The following POMZP3 variants were observed in gnomAD, a reference collection of about 807,000 sequenced individuals.
The protein encoded by POMZP3 is POM121 and ZP3 fusion protein.
Under a neutral mutation model 19.8 loss-of-function variants are expected in POMZP3, and 10 were observed. That is an observed-to-expected ratio of 0.51 (90% CI 0.31 to 0.86). The LOEUF (loss-of-function observed/expected upper bound fraction) is 0.86, where lower values mean the gene tolerates loss of function less well. Ranked by LOEUF, POMZP3 falls within the 40% of genes least tolerant of loss-of-function variation. POMZP3 has a pLI of 0.04. For missense variants in POMZP3, 152 were observed against 228.1 expected (o/e 0.67, Z 2.15); for synonymous variants, 57 against 85.8 (o/e 0.66, Z 1.85).
chr7:76,616,159 C>A (rs566513309), intron 4 of POMZP3, among the ~76,000 whole-genome samples: 1 of 138,184 alleles, frequency 7.2e-6, no homozygotes, highest in Non-Finnish European at 1.6e-5. Context: ...TGGCAGGCGC[C>A]TGCAATCCCA....
rs1487958364 is a variant in POMZP3 at position 76,614,274 on chromosome 7, G to A, written c.346-2461C>T. 3.4e-5 allele frequency among the ~76,000 whole-genome samples: 3 copies of A among 87,638 alleles called. 1 individual carries two copies. Among genetic ancestry groups the A allele is most frequent in the South Asian group, 8.2e-4 (2 of 2,450 alleles). The allele number at this position is 87,638 out of a possible 152,430, so 57.5% of individuals were successfully genotyped here. ...TTTAGAAGCAGGGTCTAGGCTGGGC[G>A]TGGTGGCTCATGCCTGTAATCCCAG... On this transcript the variant is annotated intron_variant, in intron 4 of 6. Coordinates refer to ENST00000310842, the MANE Select transcript of POMZP3 (RefSeq NM_012230.5).
At chr7:76,625,744 T>C (rs41278779) in intron 2 of POMZP3, 61 bp from the exon 3 acceptor site, 308,826 of 1,553,252 alleles carry the variant, frequency 0.2, 33,639 homozygotes, top group South Asian at 0.26. Context: ...ATATCAGAAA[T>C]GGAAATCAGA....
At chr7:76,624,915 G>A (rs1408854232) in intron 3 of POMZP3, among the ~76,000 whole-genome samples, 44 of 150,866 alleles carry the variant, frequency 2.9e-4, no homozygotes, top group African/African-American at 1.0e-3. Flanking sequence ...GGCAGATCAC[G>A]AGGTCAGGAG....
Position 76,613,952 on chromosome 7 carries a change from G to T in POMZP3, c.346-2139C>A, listed in dbSNP as rs1373339216. Among the ~76,000 whole-genome samples, 2 of 87,704 alleles carry T rather than the reference G, an allele frequency of 2.3e-5. 1 individual carries two copies. The highest frequency in any genetic ancestry group is 4.6e-5 in the Non-Finnish European group (2 of 43,956). The allele number at this position is 87,704 out of a possible 152,430, so 57.5% of individuals were successfully genotyped here. A position where few individuals can be genotyped will look rare whatever the true frequency, so the allele number is the denominator to read the frequency against. ...CCTGCTCAACCTCGGGCAGAGCATGGCAATTCTGCCACCTTGCAGCAGAAG... is the reference window on the plus strand; with the variant it reads ...CCTGCTCAACCTCGGGCAGAGCATGTCAATTCTGCCACCTTGCAGCAGAAG... On this transcript the variant is annotated intron_variant, in intron 4 of 6. Transcript: ENST00000310842.
At chr7:76,622,730 C>CAGTG (rs1208567724) in intron 3 of POMZP3, among the ~76,000 whole-genome samples, 3 of 151,752 alleles carry the variant, frequency 2.0e-5, no homozygotes, top group African/African-American at 7.3e-5. Context: ...GGCTAGAGTG[C>CAGTG]AGTGATATGA....
chr7:76,624,861 C>T (rs867300044), intron 3 of POMZP3, among the ~76,000 whole-genome samples: 1 of 150,922 alleles, frequency 6.6e-6, no homozygotes, highest in East Asian at 2.0e-4. Flanking sequence ...GGCCGGGCGC[C>T]GTGGCTCAAG....
intron 3 of POMZP3, among the ~76,000 whole-genome samples, chr7:76,622,737 A>G (rs1270172776): frequency 1.3e-5 from 2 of 151,672 alleles, no homozygotes; most frequent in African/African-American, 4.8e-5. Context: ...GTGCAGTGAT[A>G]TGATCACGGC....
intron 3 of POMZP3, among the ~76,000 whole-genome samples, chr7:76,623,856 C>T (rs1032744257): frequency 5.3e-5 from 8 of 151,380 alleles, no homozygotes; most frequent in Admixed American, 1.3e-4. Flanking sequence ...GCTTGGTGAC[C>T]GTGCTAGGTT....
At position 76,617,167 on chromosome 7, in the gene POMZP3, C is replaced by T. The variant is rs1235371647; in HGVS notation, c.345+1016G>A. 2.2e-5 allele frequency among the ~76,000 whole-genome samples: 2 copies of T among 89,626 alleles called. 1 individual carries two copies. The highest frequency in any genetic ancestry group is 5.8e-4 in the East Asian group (2 of 3,458). The allele number at this position is 89,626 out of a possible 152,430, so 58.8% of individuals were successfully genotyped here. On this transcript the variant is annotated intron_variant, in intron 4 of 6. Coordinates refer to ENST00000310842, the MANE Select transcript of POMZP3 (RefSeq NM_012230.5). ...GTATTTTTAGTAGAGGGGGTTTCACCGTGTTAACCAGGATGGTCTCAATCT... is the reference window on the plus strand; with the variant it reads ...GTATTTTTAGTAGAGGGGGTTTCACTGTGTTAACCAGGATGGTCTCAATCT...
intron 3 of POMZP3, among the ~76,000 whole-genome samples, chr7:76,620,511 C>T (rs1358884192): frequency 6.6e-6 from 1 of 150,696 alleles, no homozygotes; most frequent in South Asian, 2.1e-4. Context: ...TCTTCTTGCC[C>T]AAGCTAGAGT....
intron 3 of POMZP3, among the ~76,000 whole-genome samples, chr7:76,619,553 GTTCT>G (rs910154328): frequency 6.7e-6 from 1 of 150,256 alleles, no homozygotes; most frequent in Non-Finnish European, 1.5e-5. Flanking sequence ...CCTGGCAGGG[GTTCT>G]TTGTCTGAAA....
In POMZP3 at chr7:76,626,108, T is replaced by C. The variant is rs769837170; in HGVS notation, c.-44A>G. The C allele has an allele frequency of 3.7e-6, 6 of 1,613,610 alleles. No homozygotes were observed. The East Asian group carries it at 8.9e-5, about 24-fold the overall frequency. ...CAGCACAGCCTTCTTGTGATAACCA[T>C]TCCAGCACACTGTGGGAAGTACCCC... On this transcript the variant is annotated 5_prime_UTR_variant, in exon 2 of 7. An upstream start codon of the reference 5' UTR is lost. Coordinates refer to ENST00000310842, the MANE Select transcript of POMZP3 (RefSeq NM_012230.5).
chr7:76,619,506 C>G (rs1276011728), intron 3 of POMZP3, among the ~76,000 whole-genome samples: 2 of 151,318 alleles, frequency 1.3e-5, no homozygotes, highest in Non-Finnish European at 2.9e-5. Flanking sequence ...GGTCCACAGC[C>G]TAAGGGGCAG....
Position 76,625,640 on chromosome 7 carries a change from T to A in POMZP3, c.109A>T (p.Asn37Tyr). The change falls in exon 3 of 7, where the codon AAT (asparagine) becomes TAT (tyrosine). Residue 37 changes from asparagine (N) to tyrosine (Y), a missense_variant. Transcript: ENST00000310842. ...ISSTLSSPSS[N>Y]APDPCAKETV... Reference sequence around the variant, plus strand: ...TCCTTTGCACATGGGTCTGGGGCATTACTTGATGGTGAGGACAGTGTTGAG... The same window carrying A: ...TCCTTTGCACATGGGTCTGGGGCATAACTTGATGGTGAGGACAGTGTTGAG... 1 of 1,613,880 alleles carries A rather than the reference T, an allele frequency of 6.2e-7. No individual in the cohort carries two copies. The highest frequency in any genetic ancestry group is 8.5e-7 in the Non-Finnish European group (1 of 1,179,842).
rs1815032440 is a variant in POMZP3 at position 76,610,345 on chromosome 7, T to C, written c.*12-130A>G. 3.3e-6 allele frequency: 4 copies of C among 1,217,672 alleles called. No individual in the cohort carries two copies. The South Asian group carries it at 3.9e-5, about 12-fold the overall frequency. The allele number at this position is 1,217,672 out of a possible 1,614,324, so 75.4% of individuals were successfully genotyped here. A position where few individuals can be genotyped will look rare whatever the true frequency, so the allele number is the denominator to read the frequency against. On this transcript the variant is annotated intron_variant, in intron 6 of 6. Coordinates refer to ENST00000310842, the MANE Select transcript of POMZP3 (RefSeq NM_012230.5). ...TTTGTGTGGGCTAATAAACAGTTTC[T>C]AGACAAAAAAACACAGCTTTCTCGG... is the stretch of plus-strand genomic sequence containing the variant.
At position 76,626,737 on chromosome 7, in the gene POMZP3, A is replaced by G. The variant is rs1353675793; in HGVS notation, c.-181T>C. The G allele has an allele frequency of 1.4e-6, 2 of 1,384,350 alleles. No individual in the cohort carries two copies. The highest frequency in any genetic ancestry group is 1.7e-5 in the South Asian group (1 of 58,972). 85.8% of individuals were successfully genotyped at this position (1,384,350 alleles called of 1,614,324 possible). Reference sequence around the variant, plus strand: ...GGGAAGGCCTCCCGGAGGGTCGGAGAAGAGGAGTGGGGAGAGAGGGGTAAA... The same window carrying G: ...GGGAAGGCCTCCCGGAGGGTCGGAGGAGAGGAGTGGGGAGAGAGGGGTAAA... On this transcript the variant is annotated 5_prime_UTR_variant, in exon 1 of 7. Coordinates refer to ENST00000310842, the MANE Select transcript of POMZP3 (RefSeq NM_012230.5).
chr7:76,610,503 T>C (rs1309841899), intron 6 of POMZP3, among the ~76,000 whole-genome samples: 1 of 151,568 alleles, frequency 6.6e-6, no homozygotes, highest in African/African-American at 2.4e-5. Context: ...AATAAAAAAG[T>C]TAACTGGGCA....
rs1815125024 is a variant in POMZP3 at position 76,611,876 on chromosome 7, C to T, written c.346-63G>A. ...GGCTGTGCCTGGGAGTTTAACACAC[C>T]AGTTCTCTTATAACCCTCAACCCTT... is the stretch of plus-strand genomic sequence containing the variant. On this transcript the variant is annotated intron_variant, in intron 4 of 6. Transcript: ENST00000310842. 5 of 1,512,034 alleles carry T rather than the reference C, an allele frequency of 3.3e-6. No homozygotes were observed. In the Admixed American group the frequency reaches 9.5e-5, roughly 29 times the overall value. The allele number at this position is 1,512,034 out of a possible 1,614,324, so 93.7% of individuals were successfully genotyped here.
intron 3 of POMZP3, among the ~76,000 whole-genome samples, chr7:76,620,860 CATTTTT>C (rs1563803553): frequency 3.0e-5 from 3 of 100,270 alleles, no homozygotes; most frequent in African/African-American, 1.3e-4. Flanking sequence ...GCTGTAAAGC[CATTTTT>C]TTTTTTTTTT....
Sources: gnomAD v4.1 joint callset for allele counts (sites outside exome capture counted in the v4.1 genomes callset) on GRCh38, gnomAD v4.1.1 for gene constraint, MANE v1.5 for transcripts, NCBI Gene and HGNC (gene_info 2026-07-23, HGNC 2026-07-21) for gene names.